RNF150: variants seen among roughly 807,000 people sequenced by gnomAD.
RNF150 encodes ring finger protein 150.
Under a neutral mutation model 39.3 loss-of-function variants are expected in RNF150, and 24 were observed. The ratio of observed to expected loss-of-function variants is 0.61; its 90% CI spans 0.44 to 0.86. The LOEUF is 0.86. Among genes scored for constraint, RNF150 ranks in the 40% least tolerant of loss-of-function variants. The pLI, the probability that RNF150 is intolerant of heterozygous loss-of-function variation, is 0.00. For synonymous variants in RNF150, 255 were observed against 227.3 expected, an observed-to-expected ratio of 1.12 and a Z score of -1.10; for missense variants, 502 against 587.8, an observed-to-expected ratio of 0.85 and a Z score of 1.51.
At chr4:141,043,952 T>C (rs562739681) in intron 1 of RNF150, among the ~76,000 whole-genome samples, 2 of 152,326 alleles carry the variant, frequency 1.3e-5, no homozygotes, top group African/African-American at 4.8e-5. Context: ...CTAATATTGA[T>C]GAAGCACTTA....
At chr4:140,896,203 C>T (rs1729935833) in intron 6 of RNF150, among the ~76,000 whole-genome samples, 1 of 36,996 alleles carries the variant, frequency 2.7e-5, no homozygotes, top group African/African-American at 1.1e-4. Context: ...ACCCAAAGGA[C>T]TATAAATCAT....
chr4:141,055,047 T>C (rs947094204), intron 1 of RNF150, among the ~76,000 whole-genome samples: 3 of 152,116 alleles, frequency 2.0e-5, no homozygotes, highest in African/African-American at 7.2e-5. Flanking sequence ...TTGGCTATAG[T>C]TTTTAGCTCA....
chr4:140,982,578 A>G (rs1355654549), intron 1 of RNF150, among the ~76,000 whole-genome samples: 5 of 138,762 alleles, frequency 3.6e-5, no homozygotes, highest in African/African-American at 1.3e-4. Context: ...ATTGTTAGGG[A>G]CTAACAAAAC....
At chr4:140,949,645 C>G (rs1732465869) in intron 2 of RNF150, among the ~76,000 whole-genome samples, 1 of 151,182 alleles carries the variant, frequency 6.6e-6, no homozygotes, top group Non-Finnish European at 1.5e-5. Flanking sequence ...CCCTACAGTT[C>G]TACAGTGCAG....
chr4:140,984,414 T>G (rs1275356789), intron 1 of RNF150, among the ~76,000 whole-genome samples: 1 of 152,126 alleles, frequency 6.6e-6, no homozygotes, highest in Admixed American at 6.6e-5. Context: ...GTCTTTATTC[T>G]CTCTATCAGT....
intron 1 of RNF150, among the ~76,000 whole-genome samples, chr4:141,007,904 G>A (rs59135754): frequency 0.076 from 11,537 of 152,214 alleles, 492 homozygotes; most frequent in Middle Eastern, 0.16. Context: ...TTTTGTGAGT[G>A]TAAGTACATT....
chr4:140,899,755 T>C (rs1401859419), intron 6 of RNF150, among the ~76,000 whole-genome samples: 1 of 152,060 alleles, frequency 6.6e-6, no homozygotes, highest in Non-Finnish European at 1.5e-5. Context: ...CCTGGAGAGA[T>C]GTGGGGAGGA....
intron 1 of RNF150, among the ~76,000 whole-genome samples, chr4:141,043,540 G>A (rs1437239870): frequency 6.6e-6 from 1 of 152,056 alleles, no homozygotes; most frequent in Non-Finnish European, 1.5e-5. Flanking sequence ...GTTCTATATA[G>A]GGAGACTAAA....
intron 1 of RNF150, among the ~76,000 whole-genome samples, chr4:141,205,706 T>A (rs1728363479): frequency 6.6e-6 from 1 of 152,198 alleles, no homozygotes; most frequent in South Asian, 2.1e-4. Flanking sequence ...GGCAATACCT[T>A]CATATCCCAC....
chr4:141,092,161 T>C (rs896094393), intron 1 of RNF150, among the ~76,000 whole-genome samples: 4 of 152,106 alleles, frequency 2.6e-5, no homozygotes, highest in African/African-American at 9.6e-5. Flanking sequence ...CTGGCCAACA[T>C]GGCAAAACCC....
intron 6 of RNF150, among the ~76,000 whole-genome samples, chr4:140,872,566 G>C (rs1473499629): frequency 6.8e-6 from 1 of 147,794 alleles, no homozygotes; most frequent in Non-Finnish European, 1.5e-5. Flanking sequence ...TTACAGAACA[G>C]ATGAAACATG....
intron 1 of RNF150, among the ~76,000 whole-genome samples, chr4:141,068,277 TCC>T (rs1737542719): frequency 6.6e-6 from 1 of 152,162 alleles, no homozygotes; most frequent in Non-Finnish European, 1.5e-5. Flanking sequence ...CTAAAGTGGC[TCC>T]TATCACTCAA....
At chr4:141,169,280 C>T (rs1181349369) in intron 1 of RNF150, among the ~76,000 whole-genome samples, 1 of 152,084 alleles carries the variant, frequency 6.6e-6, no homozygotes, top group Non-Finnish European at 1.5e-5. Context: ...GTGTCTACTT[C>T]CCCTTTACCT....
chr4:141,081,368 A>G (rs1001259919), intron 1 of RNF150, among the ~76,000 whole-genome samples: 53 of 152,346 alleles, frequency 3.5e-4, no homozygotes, highest in African/African-American at 1.2e-3. Flanking sequence ...GATAGAGAGC[A>G]GGAAATAAAT....
chr4:141,053,700 C>T (rs1462086337), intron 1 of RNF150: 3 of 1,416,646 alleles, frequency 2.1e-6, no homozygotes, highest in Non-Finnish European at 2.8e-6. Context: ...GTGAAATCAG[C>T]TTCAGGGGCT....
chr4:140,929,372 T>G (rs1459998505), intron 4 of RNF150, among the ~76,000 whole-genome samples: 2 of 138,960 alleles, frequency 1.4e-5, no homozygotes, highest in South Asian at 2.5e-4. Flanking sequence ...TTTTTTTTTT[T>G]TTTTTTTTTT....
intron 1 of RNF150, among the ~76,000 whole-genome samples, chr4:141,108,086 C>G (rs1268484818): frequency 6.6e-6 from 1 of 152,190 alleles, no homozygotes; most frequent in African/African-American, 2.4e-5. Flanking sequence ...GCAGTTCCCT[C>G]TTTAGCATAT....
intron 6 of RNF150, among the ~76,000 whole-genome samples, chr4:140,873,691 T>C (rs1560942450): frequency 6.6e-6 from 1 of 152,162 alleles, no homozygotes; most frequent in Non-Finnish European, 1.5e-5. Context: ...TATTTTTTTA[T>C]TTTTGAGACA....
intron 1 of RNF150, among the ~76,000 whole-genome samples, chr4:141,043,361 T>G (rs556351247): frequency 6.6e-6 from 1 of 152,290 alleles, no homozygotes; most frequent in South Asian, 2.1e-4. Context: ...CAGAAGGGTT[T>G]CTGGAAGGAG....
Sources: allele counts gnomAD v4.1 joint callset (sites outside exome capture counted in the v4.1 genomes callset), GRCh38; gene constraint gnomAD v4.1.1; transcripts MANE v1.5; gene names NCBI Gene and HGNC (gene_info 2026-07-23, HGNC 2026-07-21).